The following TMEM116 variants were observed in gnomAD, a reference collection of about 807,000 sequenced individuals.
The protein encoded by TMEM116 is transmembrane protein 116.
A neutral mutation model predicts 44.3 loss-of-function variants in TMEM116; 38 were observed. That is an observed-to-expected ratio of 0.86 (90% CI 0.66 to 1.12). The LOEUF (loss-of-function observed/expected upper bound fraction) is 1.12, where lower values mean the gene tolerates loss of function less well. TMEM116 is among the 50% of genes most tolerant of loss of function. The pLI is 0.00. For missense variants in TMEM116, 354 were observed against 401.7 expected (o/e 0.88, Z 1.01); for synonymous variants, 132 against 144.8 (o/e 0.91, Z 0.64).
intron 1 of TMEM116, chr12:112,012,269 T>C (rs1469961925): frequency 6.6e-6 from 1 of 152,202 alleles, no homozygotes; most frequent in African/African-American, 2.4e-5. Context: ...CTCTGTCTCT[T>C]TACAATAAGA....
intron 3 of TMEM116, among the ~76,000 whole-genome samples, chr12:111,992,213 G>T (rs958409371): frequency 6.6e-5 from 10 of 151,880 alleles, no homozygotes; most frequent in Non-Finnish European, 1.5e-4. Context: ...TTGTGGTGGA[G>T]ATGTACCACA....
chr12:111,964,858 A>T (rs559030438), intron 4 of TMEM116, among the ~76,000 whole-genome samples: 1 of 143,832 alleles, frequency 7.0e-6, no homozygotes, highest in East Asian at 2.1e-4. Context: ...CAGCTAATTT[A>T]AAAAAAATTT....
intron 5 of TMEM116, among the ~76,000 whole-genome samples, chr12:111,942,087 C>T (rs1036258621): frequency 2.0e-5 from 3 of 151,790 alleles, no homozygotes; most frequent in African/African-American, 4.8e-5. Flanking sequence ...TACAGGCATG[C>T]GCCACCATGC....
chr12:111,963,676 G>T (rs2074773505), intron 4 of TMEM116, among the ~76,000 whole-genome samples: 1 of 152,122 alleles, frequency 6.6e-6, no homozygotes, highest in East Asian at 1.9e-4. Flanking sequence ...GGGGGTTGGG[G>T]GCTAGGGGAG....
In TMEM116 at chr12:111,953,489, C is replaced by T. The variant is rs1480336191; in HGVS notation, c.211-10120G>A. On this transcript the variant is annotated intron_variant, in intron 4 of 10. Transcript: ENST00000552374. ...AAATGGAGCCAGGGAAGGCCAAGAA[C>T]GGAGGTTCTCATGCACATATGCCTG... Among the ~76,000 whole-genome samples the T allele has an allele frequency of 2.0e-5, 3 of 152,284 alleles. No individual in the cohort carries two copies. In the East Asian group the frequency reaches 5.8e-4, roughly 29 times the overall value.
intron 1 of TMEM116, chr12:112,011,125 G>C (rs890951680): frequency 6.6e-6 from 1 of 152,222 alleles, no homozygotes; most frequent in Non-Finnish European, 1.5e-5. Flanking sequence ...TGTCTTGCTG[G>C]TCCCCCAAGG....
intron 4 of TMEM116, among the ~76,000 whole-genome samples, chr12:111,975,049 T>G (rs979358039): frequency 1.3e-5 from 2 of 152,272 alleles, no homozygotes; most frequent in African/African-American, 4.8e-5. Flanking sequence ...GTCAGAAGAC[T>G]AAATATTGTA....
chr12:111,999,914 AG>A, intron 3 of TMEM116, among the ~76,000 whole-genome samples: 1 of 152,286 alleles, frequency 6.6e-6, no homozygotes, highest in East Asian at 1.9e-4. Context: ...TGTGTAGTAT[AG>A]TTTAATTGTG....
intron 9 of TMEM116, 98 bp from the exon 10 acceptor site, chr12:111,932,757 T>C (rs2071764323): frequency 6.5e-6 from 6 of 928,760 alleles, no homozygotes; most frequent in South Asian, 4.2e-5. Flanking sequence ...ATGGAAACAA[T>C]AGGCATAATA....
At chr12:111,989,645 A>G (rs758267836) in intron 4 of TMEM116, among the ~76,000 whole-genome samples, 3 of 152,228 alleles carry the variant, frequency 2.0e-5, no homozygotes, top group Non-Finnish European at 4.4e-5. Flanking sequence ...GCAATCCTAA[A>G]TTACCTGACA....
intron 3 of TMEM116, among the ~76,000 whole-genome samples, chr12:111,996,316 C>A (rs778566994): frequency 7.2e-5 from 11 of 151,872 alleles, no homozygotes; most frequent in Non-Finnish European, 1.3e-4. Flanking sequence ...ATATAACTGA[C>A]AAAGGATCCA....
intron 5 of TMEM116, among the ~76,000 whole-genome samples, chr12:111,939,835 TAAAAAG>T (rs1273102425): frequency 7.6e-5 from 10 of 131,338 alleles, no homozygotes; most frequent in African/African-American, 2.8e-4. Flanking sequence ...ATCAAAAAAA[TAAAAAG>T]AAAAGAAAAC....
At chr12:111,989,919 A>G (rs2076446560) in intron 4 of TMEM116, among the ~76,000 whole-genome samples, 1 of 152,168 alleles carries the variant, frequency 6.6e-6, no homozygotes, top group African/African-American at 2.4e-5. Context: ...CACCATAAAT[A>G]TGTATAGTTT....
chr12:111,982,764 GCTTCATGCAA>G (rs2076015438), intron 4 of TMEM116, among the ~76,000 whole-genome samples: 1 of 152,108 alleles, frequency 6.6e-6, no homozygotes, highest in Non-Finnish European at 1.5e-5. Context: ...GGACATTCAG[GCTTCATGCAA>G]GTAGGAAGCA....
intron 1 of TMEM116, chr12:112,012,531 G>C (rs761156628): frequency 1.3e-5 from 2 of 152,570 alleles, no homozygotes; most frequent in Non-Finnish European, 2.9e-5. Context: ...CACCTGCCTC[G>C]GCCTCCCAAA....
At chr12:111,991,609 T>C (rs1403642501) in intron 4 of TMEM116, 149 bp downstream of exon 4, 1 of 728,976 alleles carries the variant, frequency 1.4e-6, no homozygotes, top group Non-Finnish European at 2.0e-6. Flanking sequence ...AATATAGTGT[T>C]TTTAATATGA....
intron 4 of TMEM116, among the ~76,000 whole-genome samples, chr12:111,956,485 A>G (rs957223839): frequency 1.3e-5 from 2 of 152,090 alleles, no homozygotes; most frequent in African/African-American, 4.8e-5. Context: ...ATCAACATCA[A>G]AAAATAGGAC....
chr12:111,968,949 T>C (rs1204616804), intron 4 of TMEM116, among the ~76,000 whole-genome samples: 4 of 138,110 alleles, frequency 2.9e-5, no homozygotes, highest in Non-Finnish European at 6.0e-5. Context: ...GCCCACGTCG[T>C]GTCACTGCAC....
intron 4 of TMEM116, among the ~76,000 whole-genome samples, chr12:111,987,242 C>T (rs1315649498): frequency 1.3e-5 from 2 of 152,120 alleles, no homozygotes; most frequent in East Asian, 1.9e-4. Context: ...TGGCGGCTCA[C>T]ACCTGTAATC....
Sources: allele counts gnomAD v4.1 joint callset (sites outside exome capture counted in the v4.1 genomes callset), GRCh38; gene constraint gnomAD v4.1.1; transcripts MANE v1.5; gene names NCBI Gene and HGNC (gene_info 2026-07-23, HGNC 2026-07-21).